UGCG: variants seen among roughly 807,000 people sequenced by gnomAD.
UGCG encodes ceramide glucosyltransferase.
Under a neutral mutation model 49.5 loss-of-function variants are expected in UGCG, and 10 were observed. That is an observed-to-expected ratio of 0.20 (90% CI 0.12 to 0.34). The LOEUF is 0.34. UGCG is among the 10% of genes least tolerant of loss of function. The pLI is 1.00. For missense variants in UGCG, 312 were observed against 483.7 expected, an observed-to-expected ratio of 0.65 and a Z score of 3.33; for synonymous variants, 182 against 158.2, an observed-to-expected ratio of 1.15 and a Z score of -1.13.
chr9:111,914,216 C>A (rs888956279), intron 1 of UGCG, among the ~76,000 whole-genome samples: 5 of 152,124 alleles, frequency 3.3e-5, no homozygotes, highest in East Asian at 1.9e-4. Flanking sequence ...GAAATGCCTG[C>A]GCTATGCCTG....
intron 6 of UGCG, among the ~76,000 whole-genome samples, chr9:111,930,562 G>C (rs1838408021): frequency 6.6e-6 from 1 of 151,748 alleles, no homozygotes. Flanking sequence ...CCGCCTCCTG[G>C]GTTCAAACGA....
intron 1 of UGCG, among the ~76,000 whole-genome samples, chr9:111,912,532 C>T (rs534915623): frequency 8.6e-5 from 13 of 151,634 alleles, no homozygotes; most frequent in Admixed American, 8.6e-4. Context: ...TAGCTGAGAT[C>T]GCACCACTGC....
intron 1 of UGCG, among the ~76,000 whole-genome samples, chr9:111,914,217 G>T (rs532469703): frequency 1.3e-5 from 2 of 152,232 alleles, no homozygotes; most frequent in Admixed American, 6.5e-5. Context: ...AAATGCCTGC[G>T]CTATGCCTGG....
chr9:111,903,861 G>T (rs752398926), intron 1 of UGCG, among the ~76,000 whole-genome samples: 15 of 152,186 alleles, frequency 9.9e-5, no homozygotes, highest in Non-Finnish European at 1.8e-4. Flanking sequence ...CTCCACAGGT[G>T]CTGGGATTAT....
intron 2 of UGCG, among the ~76,000 whole-genome samples, chr9:111,917,340 TG>T (rs1402676853): frequency 6.6e-6 from 1 of 152,214 alleles, no homozygotes; most frequent in African/African-American, 2.4e-5. Context: ...CAATGGCAAA[TG>T]TTCCACAGGA....
intron 2 of UGCG, among the ~76,000 whole-genome samples, chr9:111,922,297 A>G (rs1308700885): frequency 6.6e-6 from 1 of 152,242 alleles, no homozygotes; most frequent in Non-Finnish European, 1.5e-5. Flanking sequence ...TCAAAAAGTT[A>G]TGAAACAAAA....
Position 111,932,154 on chromosome 9 carries a change from C to T in UGCG, c.825-16C>T, listed in dbSNP as rs768962448. 6 of 1,610,282 alleles carry T rather than the reference C, an allele frequency of 3.7e-6. No homozygotes were observed. The highest frequency in any genetic ancestry group is 5.1e-6 in the Non-Finnish European group (6 of 1,177,968). On this transcript the variant is annotated splice_polypyrimidine_tract_variant and intron_variant, in intron 7 of 8. Transcript: ENST00000374279. ...CCAGGATATTGTTTTAAAGAAAATC[C>T]TTTTTGTTTTTCCAGGTGGACCAAA...
intron 8 of UGCG, 149 bp downstream of exon 8, chr9:111,932,508 G>C (rs1838444262): frequency 1.2e-6 from 1 of 837,692 alleles, no homozygotes; most frequent in African/African-American, 1.7e-5. Flanking sequence ...TTCTCTAGTG[G>C]AATGTTGATG....
At chr9:111,911,780 T>C (rs1306995963) in intron 1 of UGCG, among the ~76,000 whole-genome samples, 7 of 151,254 alleles carry the variant, frequency 4.6e-5, no homozygotes, top group Non-Finnish European at 1.0e-4. Context: ...GTACCTGTTA[T>C]CCTAGCTACT....
At chr9:111,922,697 A>AT (rs1838247975) in intron 2 of UGCG, 152 bp from the exon 3 acceptor site, 1 of 450,560 alleles carries the variant, frequency 2.2e-6, no homozygotes, top group Middle Eastern at 5.8e-4. Context: ...ACTTGTTATC[A>AT]TAAGTGTTTG....
chr9:111,921,802 A>ATTTT (rs71373800), intron 2 of UGCG, among the ~76,000 whole-genome samples: 934 of 55,512 alleles, frequency 0.017, 224 homozygotes, highest in African/African-American at 0.043. Context: ...CCCCAGGGTG[A>ATTTT]TTTTTTTTTT....
intron 3 of UGCG, 93 bp downstream of exon 3, chr9:111,923,044 GTTTGTT>G: frequency 2.5e-6 from 2 of 792,974 alleles, no homozygotes; most frequent in Non-Finnish European, 1.9e-6. Flanking sequence ...TGTTAGCCAT[GTTTGTT>G]TTAAACATGT....
chr9:111,900,810 G>T (rs1009036154), intron 1 of UGCG, among the ~76,000 whole-genome samples: 9 of 151,884 alleles, frequency 5.9e-5, no homozygotes, highest in African/African-American at 2.2e-4. Flanking sequence ...GATTTTTTAA[G>T]TTTTTTTTAA....
intron 1 of UGCG, among the ~76,000 whole-genome samples, chr9:111,912,672 T>G (rs756631204): frequency 1.3e-5 from 2 of 152,248 alleles, no homozygotes; most frequent in Non-Finnish European, 2.9e-5. Context: ...CTTGATGTCA[T>G]GGCAATGTTA....
chr9:111,916,110 T>A (rs1454590974), intron 2 of UGCG, among the ~76,000 whole-genome samples: 1 of 152,120 alleles, frequency 6.6e-6, no homozygotes, highest in Non-Finnish European at 1.5e-5. Context: ...CTTAGCCTTT[T>A]GTAATTGAGA....
chr9:111,918,200 G>A (rs150329939), intron 2 of UGCG, among the ~76,000 whole-genome samples: 5 of 151,976 alleles, frequency 3.3e-5, no homozygotes, highest in South Asian at 2.1e-4. Flanking sequence ...TGCCACTACC[G>A]CTGGCTAATT....
rs990455509 is a variant in UGCG at position 111,912,083 on chromosome 9, A to G, written c.99-2522A>G. 2.9e-5 allele frequency among the ~76,000 whole-genome samples: 4 copies of G among 139,608 alleles called. 1 individual carries two copies. The highest frequency in any genetic ancestry group is 5.4e-5 in the African/African-American group (2 of 36,838). 91.6% of individuals were successfully genotyped at this position (139,608 alleles called of 152,430 possible). ...TTGAATCAATTAATTGTGTAATATAAACTTTTTTCCCCAGCAGTCTAGATG... is the reference window on the plus strand; with the variant it reads ...TTGAATCAATTAATTGTGTAATATAGACTTTTTTCCCCAGCAGTCTAGATG... On this transcript the variant is annotated intron_variant, in intron 1 of 8. Coordinates refer to ENST00000374279, the MANE Select transcript of UGCG (RefSeq NM_003358.3).
At chr9:111,928,582 C>G (rs1481201858) in intron 5 of UGCG, among the ~76,000 whole-genome samples, 3 of 152,222 alleles carry the variant, frequency 2.0e-5, no homozygotes, top group African/African-American at 7.2e-5. Context: ...ATATGTGCCT[C>G]TGTTCTTAGA....
At chr9:111,932,405 AG>A (rs1489015424) in intron 8 of UGCG, 46 bp downstream of exon 8, 2 of 1,535,024 alleles carry the variant, frequency 1.3e-6, no homozygotes, top group Admixed American at 1.9e-5. Flanking sequence ...TGGTGGAACT[AG>A]AACTATTTCA....
Sources: gnomAD v4.1 joint callset for allele counts (sites outside exome capture counted in the v4.1 genomes callset) on GRCh38, gnomAD v4.1.1 for gene constraint, MANE v1.5 for transcripts, NCBI Gene and HGNC (gene_info 2026-07-23, HGNC 2026-07-21) for gene names.